Variants in UGT1A9 observed in about 807,000 individuals in gnomAD.
UGT1A9 encodes the protein UDP glucuronosyltransferase family 1 member A9.
Under a neutral mutation model 45.0 loss-of-function variants are expected in UGT1A9, and 35 were observed. The ratio of observed to expected loss-of-function variants is 0.78; its 90% CI spans 0.59 to 1.03. The LOEUF is 1.03. Among genes scored for constraint, UGT1A9 ranks in the 50% least tolerant of loss-of-function variants. The pLI is 0.00. For synonymous variants in UGT1A9, 278 were observed against 250.6 expected (o/e 1.11, Z -1.03); for missense variants, 687 against 666.6 (o/e 1.03, Z -0.34).
At chr2:233,693,264 TG>T in intron 1 of UGT1A9, 1 of 1,614,122 alleles carries the variant, frequency 6.2e-7, no homozygotes, top group South Asian at 1.1e-5. Context: ...CAAGAAGAGC[TG>T]AAGAACCGTT....
intron 1 of UGT1A9, chr2:233,747,384 G>T: frequency 6.2e-7 from 1 of 1,605,378 alleles, no homozygotes; most frequent in Non-Finnish European, 8.5e-7. Flanking sequence ...AGGCCACCAG[G>T]CGGTGGTCCT....
At chr2:233,760,524 C>A in intron 1 of UGT1A9, 1 of 1,614,240 alleles carries the variant, frequency 6.2e-7, no homozygotes, top group Non-Finnish European at 8.5e-7. Context: ...TGAAGACGTA[C>A]CCTGTGCCAT....
intron 1 of UGT1A9, among the ~76,000 whole-genome samples, chr2:233,720,989 G>T (rs570345451): frequency 2.6e-5 from 4 of 151,812 alleles, no homozygotes; most frequent in East Asian, 3.9e-4. Flanking sequence ...GGGATTACAG[G>T]CAAGAGCCAC....
Position 233,744,237 on chromosome 2 carries a change from T to C in UGT1A9, c.856-22797T>C, listed in dbSNP as rs1220461600. On this transcript the variant is annotated intron_variant, in intron 1 of 4. Coordinates refer to ENST00000354728, the MANE Select transcript of UGT1A9 (RefSeq NM_021027.3). ...GTTGGGGAAAAGAGAGGGCCTTGACTTTGGCTGCCTGAAGAACTGTTTTTC... is the reference window on the plus strand; with the variant it reads ...GTTGGGGAAAAGAGAGGGCCTTGACCTTGGCTGCCTGAAGAACTGTTTTTC... Among the ~76,000 whole-genome samples, 6 of 151,784 alleles carry C rather than the reference T, an allele frequency of 4.0e-5. 1 individual carries two copies. Among genetic ancestry groups the C allele is most frequent in the African/African-American group, 1.5e-4 (6 of 41,066 alleles).
intron 1 of UGT1A9, among the ~76,000 whole-genome samples, chr2:233,727,362 C>G (rs1360836232): frequency 6.6e-6 from 1 of 152,136 alleles, no homozygotes; most frequent in Admixed American, 6.5e-5. Context: ...ATCCTTAGGG[C>G]CCCTAGGTCT....
chr2:233,675,716 C>T (rs1461493103), intron 1 of UGT1A9, among the ~76,000 whole-genome samples: 1 of 152,188 alleles, frequency 6.6e-6, no homozygotes, highest in Non-Finnish European at 1.5e-5. Context: ...AAATAATTTT[C>T]ACTATTTTGC....
In UGT1A9 at chr2:233,751,878, G is replaced by T. The variant is rs139907629; in HGVS notation, c.856-15156G>T. On this transcript the variant is annotated intron_variant, in intron 1 of 4. Transcript: ENST00000354728. ...GTCTTTTATAAATTACCCCGTCTTG[G>T]GTATGTCTTTATAGCAGTGTGAGAA... Among the ~76,000 whole-genome samples the T allele has an allele frequency of 2.6e-5, 4 of 152,104 alleles. No homozygotes were observed. In the East Asian group the frequency reaches 7.7e-4, roughly 29 times the overall value.
intron 1 of UGT1A9, among the ~76,000 whole-genome samples, chr2:233,758,754 A>G (rs888171679): frequency 2.0e-5 from 3 of 152,132 alleles, no homozygotes; most frequent in African/African-American, 7.2e-5. Context: ...CTGGCCAGTG[A>G]TGTGTATGGT....
chr2:233,743,816 T>G (rs1350624065), intron 1 of UGT1A9: 1 of 1,367,308 alleles, frequency 7.3e-7, no homozygotes, highest in South Asian at 1.1e-5. Flanking sequence ...CTCAGGGTTT[T>G]TGTCGGGGTG....
intron 1 of UGT1A9, among the ~76,000 whole-genome samples, chr2:233,759,429 C>A (rs1193069176): frequency 1.3e-5 from 2 of 152,114 alleles, no homozygotes; most frequent in Admixed American, 6.5e-5. Context: ...GGCCAGTTGG[C>A]TCTATTTTAA....
intron 1 of UGT1A9, among the ~76,000 whole-genome samples, chr2:233,674,212 C>T (rs960263958): frequency 5.9e-5 from 9 of 152,154 alleles, no homozygotes; most frequent in Non-Finnish European, 1.2e-4. Context: ...AGTGACTGTT[C>T]AGCCAACTCA....
At chr2:233,728,328 T>C (rs2077699714) in intron 1 of UGT1A9, among the ~76,000 whole-genome samples, 1 of 152,118 alleles carries the variant, frequency 6.6e-6, no homozygotes, top group Admixed American at 6.5e-5. Flanking sequence ...AGGCTCCAGC[T>C]CCCCCAGTCC....
chr2:233,737,563 C>G (rs1384498695), intron 1 of UGT1A9, among the ~76,000 whole-genome samples: 1 of 152,164 alleles, frequency 6.6e-6, no homozygotes, highest in Non-Finnish European at 1.5e-5. Context: ...GTGGGATGCA[C>G]CCACTATCCA....
intron 1 of UGT1A9, among the ~76,000 whole-genome samples, chr2:233,712,745 T>TC (rs5839490): frequency 0.1 from 15,409 of 149,766 alleles, 901 homozygotes; most frequent in East Asian, 0.2. Context: ...ACTTGGATGT[T>TC]CCCCAGAGCG....
chr2:233,729,508 T>C (rs1302187819), intron 1 of UGT1A9: 3 of 1,614,204 alleles, frequency 1.9e-6, no homozygotes, highest in African/African-American at 1.3e-5. Flanking sequence ...TCATAGGTCT[T>C]GTGTGGAGCT....
intron 1 of UGT1A9, among the ~76,000 whole-genome samples, chr2:233,753,936 A>C (rs545743741): frequency 2.6e-5 from 4 of 152,192 alleles, no homozygotes; most frequent in Non-Finnish European, 5.9e-5. Flanking sequence ...ATGGGATTCA[A>C]ATGTATGACC....
chr2:233,772,537 C>A lies in UGT1A9; in HGVS notation c.1571C>A (p.Ala524Asp). Residue 524 changes from alanine (A) to aspartate (D), a missense_variant, in exon 5 of 5, where the codon GCC becomes GAC. By Grantham distance (126) the Ala-to-Asp change is moderately radical (BLOSUM62 -2). Coordinates refer to ENST00000354728, the MANE Select transcript of UGT1A9 (RefSeq NM_021027.3). ...CLGKKGRVKK[A>D]HKSKTH ...GGGAAAAAAGGGCGAGTTAAGAAAG[C>A]CCACAAATCCAAGACCCATTGAGAA... 1.9e-6 allele frequency: 3 copies of A among 1,614,090 alleles called. No homozygotes were observed. Among genetic ancestry groups the A allele is most frequent in the Non-Finnish European group, 2.5e-6 (3 of 1,180,000 alleles).
At chr2:233,718,985 C>A (rs45571233) in intron 1 of UGT1A9, 1 of 1,614,224 alleles carries the variant, frequency 6.2e-7, no homozygotes, top group Non-Finnish European at 8.5e-7. Context: ...ATGCCAGAGG[C>A]CACCAGGCGG....
intron 1 of UGT1A9, among the ~76,000 whole-genome samples, chr2:233,746,863 G>A (rs1360451687): frequency 6.6e-6 from 1 of 151,770 alleles, no homozygotes; most frequent in Non-Finnish European, 1.5e-5. Flanking sequence ...GCTGCAGCCT[G>A]ATAAACGTGG....
Sources: gnomAD v4.1 joint callset for allele counts (sites outside exome capture counted in the v4.1 genomes callset) on GRCh38, gnomAD v4.1.1 for gene constraint, MANE v1.5 for transcripts, NCBI Gene and HGNC (gene_info 2026-07-23, HGNC 2026-07-21) for gene names.